CTTNBP2NL: variants seen among roughly 807,000 people sequenced by gnomAD.
The protein encoded by CTTNBP2NL is CTTNBP2 N-terminal like.
Under a neutral mutation model 32.5 loss-of-function variants are expected in CTTNBP2NL, and 16 were observed. The ratio of observed to expected loss-of-function variants is 0.49; its 90% confidence interval spans 0.33 to 0.75. The LOEUF (loss-of-function observed/expected upper bound fraction) is 0.75, where lower values mean the gene tolerates loss of function less well. Ranked by LOEUF, CTTNBP2NL falls within the 30% of genes least tolerant of loss-of-function variation. The pLI is 0.02. For synonymous variants in CTTNBP2NL, 298 were observed against 289.4 expected, an observed-to-expected ratio of 1.03 and a Z score of -0.30; for missense variants, 645 against 756.0, an observed-to-expected ratio of 0.85 and a Z score of 1.72.
At chr1:112,440,162 A>G (rs897525595) in intron 3 of CTTNBP2NL, among the ~76,000 whole-genome samples, 1 of 152,208 alleles carries the variant, frequency 6.6e-6, no homozygotes, top group African/African-American at 2.4e-5. Context: ...CAAATCATGC[A>G]CAAGTCCAGA....
At chr1:112,399,025 G>T (rs927330809) in intron 1 of CTTNBP2NL, among the ~76,000 whole-genome samples, 3 of 151,966 alleles carry the variant, frequency 2.0e-5, no homozygotes, top group African/African-American at 7.2e-5. Context: ...TTTTGTTCAA[G>T]AATAGTTTCT....
At chr1:112,431,254 C>G (rs1035815123) in intron 3 of CTTNBP2NL, among the ~76,000 whole-genome samples, 1 of 152,198 alleles carries the variant, frequency 6.6e-6, no homozygotes, top group Non-Finnish European at 1.5e-5. Context: ...ATTTTGACTT[C>G]CTCTTATTGT....
At chr1:112,423,272 C>T (rs1219563957) in intron 3 of CTTNBP2NL, among the ~76,000 whole-genome samples, 1 of 151,928 alleles carries the variant, frequency 6.6e-6, no homozygotes, top group East Asian at 1.9e-4. Context: ...ATTATCTTAA[C>T]TCTATTTTTT....
chr1:112,448,939 C>G lies in CTTNBP2NL; in HGVS notation c.100-3C>G, dbSNP rs775571526. On this transcript the variant is annotated splice_region_variant and splice_polypyrimidine_tract_variant and intron_variant, in intron 3 of 5. Coordinates refer to ENST00000271277, the MANE Select transcript of CTTNBP2NL (RefSeq NM_018704.3). Reference sequence around the variant, plus strand: ...GATGCTTATTTTTTTTCCTCTTTCCCAGGCCCAACACAGAGATACTTTCAT... The same window carrying G: ...GATGCTTATTTTTTTTCCTCTTTCCGAGGCCCAACACAGAGATACTTTCAT... 7 of 1,574,238 alleles carry G rather than the reference C, an allele frequency of 4.4e-6. No individual in the cohort carries two copies. In the Admixed American group the frequency reaches 1.2e-4, roughly 27 times the overall value.
intron 4 of CTTNBP2NL, 113 bp downstream of exon 4, chr1:112,449,285 G>A (rs954753563): frequency 6.6e-6 from 4 of 607,836 alleles, no homozygotes; most frequent in African/African-American, 3.7e-5. Flanking sequence ...ACATCTCACG[G>A]GTATCAAAAA....
chr1:112,420,225 A>G (rs941033440), intron 3 of CTTNBP2NL, among the ~76,000 whole-genome samples: 4 of 149,154 alleles, frequency 2.7e-5, no homozygotes, highest in African/African-American at 7.5e-5. Flanking sequence ...AGCTCACTGC[A>G]GCCTCCGCCT....
chr1:112,440,736 C>T (rs1357958281), intron 3 of CTTNBP2NL, among the ~76,000 whole-genome samples: 2 of 152,170 alleles, frequency 1.3e-5, no homozygotes, highest in Non-Finnish European at 2.9e-5. Context: ...TTGTTCTTCA[C>T]TACTTAATTA....
intron 3 of CTTNBP2NL, among the ~76,000 whole-genome samples, chr1:112,427,166 C>T (rs752424537): frequency 6.6e-6 from 1 of 152,102 alleles, no homozygotes; most frequent in Non-Finnish European, 1.5e-5. Context: ...CTTAAAGGCT[C>T]CTTTTATGGT....
At chr1:112,453,271 G>C (rs1157849075) in intron 4 of CTTNBP2NL, among the ~76,000 whole-genome samples, 1 of 151,980 alleles carries the variant, frequency 6.6e-6, no homozygotes. Context: ...CAGGTTTCAT[G>C]TCCCAGAAAA....
intron 3 of CTTNBP2NL, among the ~76,000 whole-genome samples, chr1:112,433,724 C>T (rs1484247732): frequency 6.6e-6 from 1 of 152,058 alleles, no homozygotes; most frequent in Non-Finnish European, 1.5e-5. Context: ...AAATGTATTG[C>T]CTTGTGTGTA....
intron 3 of CTTNBP2NL, among the ~76,000 whole-genome samples, chr1:112,443,145 T>C (rs1404579003): frequency 2.6e-5 from 4 of 152,328 alleles, no homozygotes; most frequent in Admixed American, 2.0e-4. Flanking sequence ...TGTAAATAAT[T>C]GCTTTTATAA....
intron 3 of CTTNBP2NL, among the ~76,000 whole-genome samples, chr1:112,432,407 A>C (rs1649595381): frequency 6.6e-6 from 1 of 152,162 alleles, no homozygotes; most frequent in African/African-American, 2.4e-5. Flanking sequence ...GATGGAATTA[A>C]AATAAAAATT....
Position 112,457,390 on chromosome 1 carries a change from T to G in CTTNBP2NL, c.1898T>G (p.Leu633Ter). Residue 633 changes from leucine to a stop codon, truncating the protein, a stop_gained, in exon 6 of 6, where the codon TTA (leucine) becomes TGA (stop). Coordinates refer to ENST00000271277, the MANE Select transcript of CTTNBP2NL (RefSeq NM_018704.3). LOFTEE classifies it high-confidence loss of function. ...TVVANGKDVE[L>*]LLPTSS is the part of the protein sequence containing the mutation. Reference sequence around the variant, plus strand: ...GTAGCAAATGGTAAGGATGTTGAGTTACTTTTGCCTACCAGCAGCTAGTCC... The same window carrying G: ...GTAGCAAATGGTAAGGATGTTGAGTGACTTTTGCCTACCAGCAGCTAGTCC... 1 of 1,612,128 alleles carries G rather than the reference T, an allele frequency of 6.2e-7. No homozygotes were observed. Among genetic ancestry groups the G allele is most frequent in the Non-Finnish European group, 8.5e-7 (1 of 1,178,596 alleles).
At chr1:112,406,379 G>C (rs1368071327) in intron 1 of CTTNBP2NL, among the ~76,000 whole-genome samples, 1 of 152,186 alleles carries the variant, frequency 6.6e-6, no homozygotes, top group African/African-American at 2.4e-5. Flanking sequence ...GAGAGGATCA[G>C]ATGTAAGCAG....
chr1:112,430,204 TTCTTTTCTTTTCTTTTCTTG>T (rs796190946), intron 3 of CTTNBP2NL, among the ~76,000 whole-genome samples: 8,165 of 53,326 alleles, frequency 0.15, 316 homozygotes, highest in South Asian at 0.26. Context: ...TTCTTTTCTT[TTCTTTTCTTTTCTTTTCTTG>T]TCTTTTCTCT....
At chr1:112,444,728 A>C (rs977375846) in intron 3 of CTTNBP2NL, among the ~76,000 whole-genome samples, 8 of 152,226 alleles carry the variant, frequency 5.3e-5, no homozygotes, top group Non-Finnish European at 8.8e-5. Flanking sequence ...TTATAAAATA[A>C]CTGAAATATC....
rs148129399 is a variant in CTTNBP2NL at position 112,456,989 on chromosome 1, G to C, written c.1497G>C (p.Gln499His). The C allele has an allele frequency of 6.2e-7, 1 of 1,613,976 alleles. No individual in the cohort carries two copies. The highest frequency in any genetic ancestry group is 8.5e-7 in the Non-Finnish European group (1 of 1,180,046). ...PTLIDNSAAK[Q>H]LARNTVTQVL... ...TCATAGACAACTCTGCCGCCAAGCA[G>C]CTGGCCCGAAACACAGTCACTCAGG... is the stretch of plus-strand genomic sequence containing the variant. The change falls in exon 6 of 6, where the codon CAG becomes CAC. Residue 499 changes from glutamine to histidine, a missense_variant. Coordinates refer to ENST00000271277, the MANE Select transcript of CTTNBP2NL (RefSeq NM_018704.3).
intron 1 of CTTNBP2NL, among the ~76,000 whole-genome samples, chr1:112,410,334 G>T (rs1043925053): frequency 9.2e-5 from 14 of 151,662 alleles, no homozygotes; most frequent in African/African-American, 3.4e-4. Flanking sequence ...GAAGGCTGCG[G>T]TGATCAAGAT....
At chr1:112,391,769 C>T (rs1045554655), upstream of CTTNBP2NL, among the ~76,000 whole-genome samples, 3 of 152,136 alleles carry the variant, frequency 2.0e-5, no homozygotes, top group Non-Finnish European at 4.4e-5. Flanking sequence ...GCAAGTGGGT[C>T]ATTTGAGGTC....
Sources: allele counts gnomAD v4.1 joint callset (sites outside exome capture counted in the v4.1 genomes callset), GRCh38; gene constraint gnomAD v4.1.1; transcripts MANE v1.5; gene names NCBI Gene and HGNC (gene_info 2026-07-23, HGNC 2026-07-21).